The following TRIM69 variants were observed in gnomAD, a reference collection of about 807,000 sequenced individuals.
The protein encoded by TRIM69 is tripartite motif containing 69.
A neutral mutation model predicts 37.7 loss-of-function variants in TRIM69; 29 were observed. That is an observed-to-expected ratio of 0.77 (90% CI 0.57 to 1.05). TRIM69 has a LOEUF of 1.05. Ranked by LOEUF, TRIM69 falls within the 50% of genes least tolerant of loss-of-function variation. The probability of loss-of-function intolerance (pLI) is 0.00; values close to 1 mark genes in which losing one functional copy is unlikely to be tolerated. For synonymous variants in TRIM69, 209 were observed against 212.4 expected, an observed-to-expected ratio of 0.98 and a Z score of 0.14; for missense variants, 596 against 579.9, an observed-to-expected ratio of 1.03 and a Z score of -0.28.
Position 44,758,959 on chromosome 15 carries a change from C to T in TRIM69, c.813+105C>T. 4 of 1,329,868 alleles carry T rather than the reference C, an allele frequency of 3.0e-6. No individual in the cohort carries two copies. The Middle Eastern group carries it at 7.6e-4, about 254-fold the overall frequency. 82.4% of individuals were successfully genotyped at this position (1,329,868 alleles called of 1,614,324 possible). A position where few individuals can be genotyped will look rare whatever the true frequency, so the allele number is the denominator to read the frequency against. On this transcript the variant is annotated intron_variant, in intron 4 of 6. Coordinates refer to ENST00000329464, the MANE Select transcript of TRIM69 (RefSeq NM_182985.5). ...CTTTTCACATCCAGGGAAAACAAAA[C>T]AAAACAAAACAAAACTGTTATAGTG...
chr15:44,761,609 C>T (rs918289722), intron 6 of TRIM69, among the ~76,000 whole-genome samples: 4 of 152,282 alleles, frequency 2.6e-5, no homozygotes, highest in Non-Finnish European at 4.4e-5. Flanking sequence ...GAATTACAGG[C>T]GCGCACTGCC....
rs1464746937 is a variant in TRIM69, at chr15:44,758,925, CG to C, written c.813+73del. On this transcript the variant is annotated intron_variant, in intron 4 of 6. Coordinates refer to ENST00000329464, the MANE Select transcript of TRIM69 (RefSeq NM_182985.5). ...GGGGGGAAGAGGTTTGGAAAGAATG[CG>C]GAAGTGGCTTTTCACATCCAGGGAA... 3 of 1,514,260 alleles carry C rather than the reference CG, an allele frequency of 2.0e-6. No individual in the cohort carries two copies. In the African/African-American group the frequency reaches 4.2e-5, roughly 21 times the overall value. The allele number at this position is 1,514,260 out of a possible 1,614,324, so 93.8% of individuals were successfully genotyped here. A position where few individuals can be genotyped will look rare whatever the true frequency, so the allele number is the denominator to read the frequency against.
At chr15:44,766,846 C>T (rs1426320509) in intron 6 of TRIM69, among the ~76,000 whole-genome samples, 1 of 151,538 alleles carries the variant, frequency 6.6e-6, no homozygotes, top group Non-Finnish European at 1.5e-5. Context: ...TGCTTGGGGC[C>T]AGGAGTTCAA....
intron 1 of TRIM69, among the ~76,000 whole-genome samples, chr15:44,745,135 G>T (rs1288487035): frequency 6.6e-6 from 1 of 151,620 alleles, no homozygotes; most frequent in Non-Finnish European, 1.5e-5. Flanking sequence ...TAGGATCTGT[G>T]TAAGCAGGAA....
intron 6 of TRIM69, among the ~76,000 whole-genome samples, chr15:44,764,921 T>C (rs1225073041): frequency 6.6e-6 from 1 of 152,032 alleles, no homozygotes; most frequent in Admixed American, 6.6e-5. Flanking sequence ...GGAGATGAAG[T>C]AGAGAGGTAG....
chr15:44,755,651 T>A (rs780497863), intron 2 of TRIM69, among the ~76,000 whole-genome samples: 1 of 152,182 alleles, frequency 6.6e-6, no homozygotes, highest in African/African-American at 2.4e-5. Flanking sequence ...AGAATATGGA[T>A]AGATAAGATA....
chr15:44,760,293 G>A (rs2141144989), intron 6 of TRIM69, among the ~76,000 whole-genome samples: 1 of 152,268 alleles, frequency 6.6e-6, no homozygotes, highest in South Asian at 2.1e-4. Flanking sequence ...CATTTTAGAA[G>A]ATTGTTTAGA....
Position 44,756,453 on chromosome 15 carries a change from C to T in TRIM69, c.569C>T (p.Ala190Val), listed in dbSNP as rs3759880. The change falls in exon 3 of 7, where the codon GCT becomes GTT. Residue 190 changes from alanine to valine, a missense_variant. By Grantham distance (64) the Ala-to-Val change is moderately conservative (BLOSUM62 0). Transcript: ENST00000329464. Reference protein sequence around the residue: ...TLRNMQKEAIAAHKENKLHLQ... With the variant: ...TLRNMQKEAIVAHKENKLHLQ... ...AGGAACATGCAGAAGGAAGCTATTGCTGCTCACAAGGTGAGGAGCAAGAAA... is the reference window on the plus strand; with the variant it reads ...AGGAACATGCAGAAGGAAGCTATTGTTGCTCACAAGGTGAGGAGCAAGAAA... 177,261 of 1,549,478 alleles carry T rather than the reference C, an allele frequency of 0.11. 10,866 individuals are homozygous for T. Among genetic ancestry groups the T allele is most frequent in the African/African-American group, 0.21 (15,256 of 72,982 alleles).
chr15:44,765,133 T>C (rs963923689), intron 6 of TRIM69, among the ~76,000 whole-genome samples: 8 of 152,198 alleles, frequency 5.3e-5, no homozygotes, highest in African/African-American at 1.7e-4. Context: ...TTTCTGGAAG[T>C]AGTCAGAAGT....
At chr15:44,762,484 C>A (rs2087797418) in intron 6 of TRIM69, among the ~76,000 whole-genome samples, 2 of 152,026 alleles carry the variant, frequency 1.3e-5, no homozygotes, top group South Asian at 4.1e-4. Context: ...TTCTTGGAGT[C>A]TAATTTTACA....
chr15:44,765,393 C>G (rs1489808500), intron 6 of TRIM69, among the ~76,000 whole-genome samples: 1 of 152,048 alleles, frequency 6.6e-6, no homozygotes, highest in Non-Finnish European at 1.5e-5. Context: ...ATTAACAACC[C>G]AAAGTGAATG....
rs757086619 is a variant in TRIM69, at chr15:44,767,427, G to A, written c.1158G>A (p.Lys386=). The A allele has an allele frequency of 1.2e-6, 2 of 1,614,064 alleles. No individual in the cohort carries two copies. The highest frequency in any genetic ancestry group is 1.7e-6 in the Non-Finnish European group (2 of 1,180,026). Residue 386 remains lysine (K), a synonymous_variant, in exon 7 of 7, where the codon AAG becomes AAA. Transcript: ENST00000329464. ...GKWYWEVEVA[K]KTKWTVGVVR... ...GGTACTGGGAAGTAGAAGTAGCAAA[G>A]AAGACAAAATGGACAGTTGGAGTTG...
rs573961178 is a variant in TRIM69 at position 44,762,689 on chromosome 15, A to G, written c.961+2817A>G. 5.9e-5 allele frequency among the ~76,000 whole-genome samples: 9 copies of G among 152,088 alleles called. No individual in the cohort carries two copies. The South Asian group carries it at 1.7e-3, about 28-fold the overall frequency. The stretch of plus-strand genomic sequence containing the variant: ...CATTTTATATACATTTCATTTCTAG[A>G]AGTTTCATTTGGGTCTTTTTATATC... On this transcript the variant is annotated intron_variant, in intron 6 of 6. Coordinates refer to ENST00000329464, the MANE Select transcript of TRIM69 (RefSeq NM_182985.5).
intron 6 of TRIM69, 149 bp from the exon 7 acceptor site, chr15:44,767,082 A>AAAAAAAAG (rs1566902679): frequency 1.3e-5 from 5 of 391,724 alleles, no homozygotes; most frequent in Admixed American, 4.4e-5. Flanking sequence ...AAAAAAAAAA[A>AAAAAAAAG]AAGCATATAA....
At chr15:44,751,330 G>C (rs1175732097) in intron 1 of TRIM69, among the ~76,000 whole-genome samples, 2 of 152,046 alleles carry the variant, frequency 1.3e-5, no homozygotes, top group Non-Finnish European at 2.9e-5. Flanking sequence ...TGGCCAGGCT[G>C]GTCTTGAACT....
intron 1 of TRIM69, among the ~76,000 whole-genome samples, chr15:44,744,016 T>C (rs533854501): frequency 2.5e-4 from 38 of 152,216 alleles, no homozygotes; most frequent in Admixed American, 2.4e-3. Flanking sequence ...TGTATGTTTA[T>C]TGTGGCACTA....
At chr15:44,743,737 C>A (rs1566889220) in intron 1 of TRIM69, among the ~76,000 whole-genome samples, 1 of 152,184 alleles carries the variant, frequency 6.6e-6, no homozygotes, top group Admixed American at 6.5e-5. Flanking sequence ...CAGAGAAATG[C>A]AAATCAAAAC....
intron 5 of TRIM69, 27 bp downstream of exon 5, chr15:44,759,689 A>G (rs2087731323): frequency 6.2e-7 from 1 of 1,614,130 alleles, no homozygotes; most frequent in African/African-American, 1.3e-5. Flanking sequence ...GGTACTATTA[A>G]TATCATTCCT....
chr15:44,739,627 C>G (rs1566886845), intron 1 of TRIM69, among the ~76,000 whole-genome samples: 2 of 152,314 alleles, frequency 1.3e-5, no homozygotes, highest in East Asian at 3.9e-4. Flanking sequence ...TCGCTGATTG[C>G]TAGCACAGCA....
Sources: allele counts gnomAD v4.1 joint callset (sites outside exome capture counted in the v4.1 genomes callset), GRCh38; gene constraint gnomAD v4.1.1; transcripts MANE v1.5; gene names NCBI Gene and HGNC (gene_info 2026-07-23, HGNC 2026-07-21).